Variants in RBMS3 observed in about 807,000 individuals in gnomAD.
The protein encoded by RBMS3 is RNA binding motif single stranded interacting protein 3, also known as RNA-binding motif, single-stranded-interacting protein 3.
In RBMS3, 27 loss-of-function variants were observed where a neutral mutation model predicts 66.8. The ratio of observed to expected loss-of-function variants is 0.40; its 90% CI spans 0.30 to 0.56. The LOEUF (loss-of-function observed/expected upper bound fraction) is 0.56. Ranked by LOEUF, RBMS3 falls within the 20% of genes least tolerant of loss-of-function variation. The pLI is 0.40. For missense variants in RBMS3, 513 were observed against 549.5 expected, an observed-to-expected ratio of 0.93 and a Z score of 0.66; for synonymous variants, 188 against 183.0, an observed-to-expected ratio of 1.03 and a Z score of -0.22.
chr3:29,957,230 A>G (rs1041078097), intron 12 of RBMS3, among the ~76,000 whole-genome samples: 13 of 152,190 alleles, frequency 8.5e-5, no homozygotes, highest in African/African-American at 1.4e-4. Flanking sequence ...TCTCCCCTCT[A>G]GAGTAAAGGC....
At position 29,641,298 on chromosome 3, in the gene RBMS3, A is replaced by G. The variant is rs574290061; in HGVS notation, c.399+54093A>G. ...CATGCTTTCCCATTTGTAAAGCAGT[A>G]TCATACTGTATTTTAAAAATATATT... is the stretch of plus-strand genomic sequence containing the variant. On this transcript the variant is annotated intron_variant, in intron 4 of 14. Coordinates refer to ENST00000383767, the MANE Select transcript of RBMS3 (RefSeq NM_001003793.3). Among the ~76,000 whole-genome samples the G allele has an allele frequency of 3.9e-5, 6 of 152,206 alleles. No homozygotes were observed. In the South Asian group the frequency reaches 1.2e-3, roughly 32 times the overall value.
chr3:29,406,855 A>G (rs1340067584), intron 1 of RBMS3, among the ~76,000 whole-genome samples: 4 of 152,238 alleles, frequency 2.6e-5, no homozygotes, highest in Non-Finnish European at 5.9e-5. Flanking sequence ...TAGTAAAACA[A>G]TAGTTAAAAT....
chr3:29,716,735 G>C (rs781069052), intron 4 of RBMS3, among the ~76,000 whole-genome samples: 51 of 152,100 alleles, frequency 3.4e-4, no homozygotes, highest in African/African-American at 1.2e-3. Context: ...GGCAAAAAAG[G>C]CATCTACATA....
chr3:29,592,890 C>G (rs1157924431), intron 4 of RBMS3, among the ~76,000 whole-genome samples: 1 of 151,536 alleles, frequency 6.6e-6, no homozygotes, highest in South Asian at 2.1e-4. Flanking sequence ...CCATCATTCT[C>G]AGCAAACTAT....
At chr3:29,507,426 A>G (rs866932175) in intron 3 of RBMS3, among the ~76,000 whole-genome samples, 3 of 152,234 alleles carry the variant, frequency 2.0e-5, no homozygotes. Flanking sequence ...GTATTTTATA[A>G]TTATGTAAAG....
Position 29,532,246 on chromosome 3 carries a change from G to GTA in RBMS3, c.307+43761_307+43762dup, listed in dbSNP as rs1166106438. On this transcript the variant is annotated intron_variant, in intron 3 of 14. Transcript: ENST00000383767. The stretch of plus-strand genomic sequence containing the variant: ...TCTTATTTTAATTTCGCATATATAT[G>GTA]TATATATATATATATGTATATATAT... Among the ~76,000 whole-genome samples, 629 of 88,916 alleles carry GTA rather than the reference G, an allele frequency of 7.1e-3. 5 individuals carry two copies. The highest frequency in any genetic ancestry group is 0.021 in the African/African-American group (340 of 15,976). The allele number at this position is 88,916 out of a possible 152,430, so 58.3% of individuals were successfully genotyped here.
intron 4 of RBMS3, among the ~76,000 whole-genome samples, chr3:29,672,939 A>C (rs2051071366): frequency 6.6e-6 from 1 of 152,250 alleles, no homozygotes; most frequent in Admixed American, 6.5e-5. Context: ...CCTAATAGAC[A>C]TCTACAGAAC....
At chr3:29,564,014 A>T (rs1389028975) in intron 3 of RBMS3, among the ~76,000 whole-genome samples, 1 of 151,882 alleles carries the variant, frequency 6.6e-6, no homozygotes, top group East Asian at 1.9e-4. Flanking sequence ...CAAAAAAAAA[A>T]AAAGAAAAAG....
rs540354054 is a variant in RBMS3 at position 29,306,108 on chromosome 3, G to A, written c.75+24352G>A. Among the ~76,000 whole-genome samples, 168 of 151,918 alleles carry A rather than the reference G, an allele frequency of 1.1e-3. 1 individual carries two copies. The highest frequency in any genetic ancestry group is 3.1e-3 in the African/African-American group (130 of 41,486). ...TTAGAAAATCTCTGTTCTGAAAATC[G>A]CACAGTATGGATATTTGATTTTGCA... is the stretch of plus-strand genomic sequence containing the variant. On this transcript the variant is annotated intron_variant, in intron 1 of 14. Coordinates refer to ENST00000383767, the MANE Select transcript of RBMS3 (RefSeq NM_001003793.3).
chr3:29,684,827 C>G (rs1352817198), intron 4 of RBMS3, among the ~76,000 whole-genome samples: 1 of 151,328 alleles, frequency 6.6e-6, no homozygotes, highest in Non-Finnish European at 1.5e-5. Flanking sequence ...GACACATACA[C>G]TGAGCTAAAG....
At chr3:29,466,690 G>A (rs903370651) in intron 2 of RBMS3, among the ~76,000 whole-genome samples, 24 of 152,144 alleles carry the variant, frequency 1.6e-4, no homozygotes, top group African/African-American at 5.8e-4. Context: ...TAAGGAAGCA[G>A]GAGGCTGAAC....
At chr3:29,608,879 G>A (rs1394980962) in intron 4 of RBMS3, among the ~76,000 whole-genome samples, 2 of 151,996 alleles carry the variant, frequency 1.3e-5, no homozygotes, top group African/African-American at 2.4e-5. Context: ...GCATTAGGGA[G>A]AATAGTAGGG....
At chr3:29,972,656 C>T (rs1015990681) in intron 12 of RBMS3, among the ~76,000 whole-genome samples, 2 of 152,068 alleles carry the variant, frequency 1.3e-5, no homozygotes, top group African/African-American at 4.8e-5. Context: ...TCAACATTTT[C>T]TCTTGTTTAG....
rs189512058 is a variant in RBMS3 at position 29,663,338 on chromosome 3, G to A, written c.399+76133G>A. On this transcript the variant is annotated intron_variant, in intron 4 of 14. Transcript: ENST00000383767. Reference sequence around the variant, plus strand: ...AAATTCCTTAGTAGCCTATGTTACTGTCATCCAATTATAATTTCTTGCATA... The same window carrying A: ...AAATTCCTTAGTAGCCTATGTTACTATCATCCAATTATAATTTCTTGCATA... Among the ~76,000 whole-genome samples the A allele has an allele frequency of 2.8e-4, 43 of 152,256 alleles. No homozygotes were observed. In the East Asian group the frequency reaches 7.7e-3, roughly 27 times the overall value.
At chr3:29,382,931 G>A (rs987123535) in intron 1 of RBMS3, among the ~76,000 whole-genome samples, 10 of 152,162 alleles carry the variant, frequency 6.6e-5, no homozygotes, top group African/African-American at 1.9e-4. Flanking sequence ...AGGCTCATCT[G>A]TATGTACATA....
chr3:29,543,061 A>C (rs1382150894), intron 3 of RBMS3, among the ~76,000 whole-genome samples: 1 of 152,196 alleles, frequency 6.6e-6, no homozygotes, highest in Non-Finnish European at 1.5e-5. Context: ...GACTTTCTAG[A>C]AAATGGGCAG....
chr3:29,962,929 C>A (rs1052959378), intron 12 of RBMS3, among the ~76,000 whole-genome samples: 2 of 151,630 alleles, frequency 1.3e-5, no homozygotes, highest in African/African-American at 4.9e-5. Flanking sequence ...CTACATAGAA[C>A]TGGAAATAGA....
chr3:29,700,511 G>A (rs570974506), intron 4 of RBMS3, among the ~76,000 whole-genome samples: 4 of 152,214 alleles, frequency 2.6e-5, no homozygotes, highest in Admixed American at 6.5e-5. Flanking sequence ...CTGGCTCTAG[G>A]AATCCAAGTA....
intron 3 of RBMS3, among the ~76,000 whole-genome samples, chr3:29,546,552 C>T (rs2045956585): frequency 6.6e-6 from 1 of 152,114 alleles, no homozygotes; most frequent in African/African-American, 2.4e-5. Flanking sequence ...GGTGTGCTTA[C>T]CTTAAAATAA....
Sources: allele counts gnomAD v4.1 joint callset (sites outside exome capture counted in the v4.1 genomes callset), GRCh38; gene constraint gnomAD v4.1.1; transcripts MANE v1.5; gene names NCBI Gene and HGNC (gene_info 2026-07-23, HGNC 2026-07-21).